Variants in SLC45A4 observed in about 807,000 individuals in gnomAD.
The protein encoded by SLC45A4 is solute carrier family 45 member 4, also known as polyamine-transporter SLC45A4.
Under a neutral mutation model 63.7 loss-of-function variants are expected in SLC45A4, and 32 were observed. The observed-to-expected ratio is 0.50, with a 90% confidence interval of 0.38 to 0.67. The LOEUF is 0.67. Among genes scored for constraint, SLC45A4 ranks in the 30% least tolerant of loss-of-function variants. The probability of loss-of-function intolerance (pLI) is 0.00; values close to 1 mark genes in which losing one functional copy is unlikely to be tolerated. For synonymous variants in SLC45A4, 535 were observed against 510.0 expected (o/e 1.05, Z -0.66); for missense variants, 1,027 against 1,157.7 (o/e 0.89, Z 1.64).
intron 1 of SLC45A4, among the ~76,000 whole-genome samples, chr8:141,261,453 T>C (rs1173812413): frequency 1.3e-5 from 2 of 152,158 alleles, no homozygotes; most frequent in Admixed American, 1.3e-4. Flanking sequence ...GCAGATGACA[T>C]GATTGTATAT....
At chr8:141,271,948 C>A (rs1777506959) in intron 1 of SLC45A4, among the ~76,000 whole-genome samples, 1 of 152,090 alleles carries the variant, frequency 6.6e-6, no homozygotes, top group Non-Finnish European at 1.5e-5. Context: ...TTCACACATG[C>A]ACTCACACGT....
In SLC45A4 at chr8:141,280,259, C is replaced by T. The variant is rs547367843; in HGVS notation, c.-400-25630G>A. Among the ~76,000 whole-genome samples the T allele has an allele frequency of 1.1e-3, 162 of 152,286 alleles. 1 individual carries two copies. Among genetic ancestry groups the T allele is most frequent in the Non-Finnish European group, 1.1e-3 (77 of 68,024 alleles). Reference sequence around the variant, plus strand: ...CCACCCTGTCCTGGGGTCACTGGCTCGTGAGGGCGGGACTGCGACTCTGTC... The same window carrying T: ...CCACCCTGTCCTGGGGTCACTGGCTTGTGAGGGCGGGACTGCGACTCTGTC... On this transcript the variant is annotated intron_variant, in intron 1 of 8. Coordinates refer to ENST00000517878, the MANE Select transcript of SLC45A4 (RefSeq NM_001286646.2).
Position 141,270,032 on chromosome 8 carries a change from G to A in SLC45A4, c.-400-15403C>T, listed in dbSNP as rs146481006. On this transcript the variant is annotated intron_variant, in intron 1 of 8. Transcript: ENST00000517878. ...AGACAGTGCCCTGAAGTCTCCTCCC[G>A]CCTCCTCCAGACCCTTGCCCTGCCC... 1.8e-3 allele frequency among the ~76,000 whole-genome samples: 269 copies of A among 152,094 alleles called. 1 individual carries two copies. Among genetic ancestry groups the A allele is most frequent in the African/African-American group, 6.2e-3 (259 of 41,462 alleles).
At chr8:141,274,003 G>A (rs1829636207) in intron 1 of SLC45A4, among the ~76,000 whole-genome samples, 1 of 152,076 alleles carries the variant, frequency 6.6e-6, no homozygotes, top group Non-Finnish European at 1.5e-5. Flanking sequence ...GCCGAGGCGG[G>A]TGGATCATGA....
intron 2 of SLC45A4, among the ~76,000 whole-genome samples, chr8:141,244,533 G>A (rs1249006291): frequency 2.0e-5 from 3 of 152,172 alleles, no homozygotes; most frequent in African/African-American, 4.8e-5. Context: ...CAGGAACAAC[G>A]GGTGGAAAGA....
At chr8:141,216,235 G>A (rs1370741001) in intron 6 of SLC45A4, among the ~76,000 whole-genome samples, 3 of 152,192 alleles carry the variant, frequency 2.0e-5, no homozygotes, top group Non-Finnish European at 4.4e-5. Flanking sequence ...CGCCCTTCCT[G>A]CAGCTCCCAG....
chr8:141,296,500 T>TAAA (rs35777679), intron 1 of SLC45A4, among the ~76,000 whole-genome samples: 9 of 107,962 alleles, frequency 8.3e-5, no homozygotes, highest in South Asian at 6.4e-4. Flanking sequence ...CCTCATTTCT[T>TAAA]AAAAAAAAAA....
chr8:141,308,253 A>T lies in SLC45A4; in HGVS notation c.-558T>A, dbSNP rs1239709228. On this transcript the variant is annotated 5_prime_UTR_variant, in exon 1 of 9. Transcript: ENST00000517878. ...CGGCCGGCCGGCCGGGCGGTCAGTC[A>T]GCGACGCGGGCGCGGAGAGAGCGCT... The T allele has an allele frequency of 2.0e-5, 3 of 146,860 alleles. No individual in the cohort carries two copies. 9.1% of individuals were successfully genotyped at this position (146,860 alleles called of 1,614,324 possible).
chr8:141,245,419 G>A (rs970318921), intron 2 of SLC45A4, among the ~76,000 whole-genome samples: 4 of 152,190 alleles, frequency 2.6e-5, no homozygotes, highest in Non-Finnish European at 5.9e-5. Flanking sequence ...ATAAAGGAAA[G>A]TGTTAATTCA....
intron 2 of SLC45A4, among the ~76,000 whole-genome samples, chr8:141,230,598 A>G (rs1278410939): frequency 6.6e-6 from 1 of 152,230 alleles, no homozygotes; most frequent in Non-Finnish European, 1.5e-5. Context: ...CGCCAGGAGC[A>G]GCGCCCAGGC....
At chr8:141,288,804 G>T (rs1298017597) in intron 1 of SLC45A4, among the ~76,000 whole-genome samples, 1 of 152,262 alleles carries the variant, frequency 6.6e-6, no homozygotes, top group Admixed American at 6.5e-5. Flanking sequence ...GCTGGGTTGG[G>T]AAAGATGACA....
chr8:141,253,002 TGC>T (rs765416051), intron 2 of SLC45A4, among the ~76,000 whole-genome samples: 2 of 147,728 alleles, frequency 1.4e-5, no homozygotes, highest in Non-Finnish European at 1.5e-5. Flanking sequence ...CACCCACCTG[TGC>T]GTCTGTGAAT....
At chr8:141,253,947 TC>T in intron 2 of SLC45A4, 41 bp downstream of exon 2, 1 of 1,530,488 alleles carries the variant, frequency 6.5e-7, no homozygotes, top group Non-Finnish European at 8.8e-7. Flanking sequence ...CCGCTAGCAC[TC>T]CGCTCAGCGT....
chr8:141,215,742 G>A lies in SLC45A4; in HGVS notation c.1941+17C>T, dbSNP rs1826103467. On this transcript the variant is annotated intron_variant, in intron 7 of 8. Transcript: ENST00000517878. The surrounding 1 kb of genome is among the most constrained non-coding windows in gnomAD (Gnocchi z 4.3). ...CAGGAGGCTGGAGCGCAGATCTCAGGGCTACGGTGGACGCACCTGCTTGAT... is the reference window on the plus strand; with the variant it reads ...CAGGAGGCTGGAGCGCAGATCTCAGAGCTACGGTGGACGCACCTGCTTGAT... 6.2e-7 allele frequency: 1 copy of A among 1,611,188 alleles called. No homozygotes were observed. The highest frequency in any genetic ancestry group is 8.5e-7 in the Non-Finnish European group (1 of 1,179,760).
chr8:141,287,933 C>T (rs1563675970), intron 1 of SLC45A4, among the ~76,000 whole-genome samples: 1 of 152,184 alleles, frequency 6.6e-6, no homozygotes, highest in African/African-American at 2.4e-5. Context: ...TACCCTCTTG[C>T]GCCCAGCCAC....
intron 8 of SLC45A4, 59 bp downstream of exon 8, chr8:141,212,138 G>GCCCGCCCA (rs1555563121): frequency 1.6e-6 from 1 of 623,196 alleles, no homozygotes; most frequent in Non-Finnish European, 2.0e-6. Context: ...TGGCCCCGCC[G>GCCCGCCCA]CCCGCCCGCC....
At chr8:141,214,278 C>T (rs1204159865) in intron 7 of SLC45A4, among the ~76,000 whole-genome samples, 1 of 151,482 alleles carries the variant, frequency 6.6e-6, no homozygotes. Flanking sequence ...ACCACTTCTA[C>T]ATATTTAGTA....
In SLC45A4 at chr8:141,218,067, C is replaced by T. The variant is rs764835271; in HGVS notation, c.1573G>A (p.Glu525Lys). ...HLLTWFSVIA[E>K]AVFYTDFMGQ... ...ATGAAGTCGGTGTAGAACACGGCCT[C>T]GGCGATGACAGAGAACCAGGTGAGG... The change falls in exon 5 of 9, where the codon GAG becomes AAG. Residue 525 changes from glutamate (E) to lysine (K), a missense_variant. Glu to Lys is a moderately conservative substitution (Grantham distance 56). Transcript: ENST00000517878. The T allele has an allele frequency of 1.7e-5, 28 of 1,612,252 alleles. No homozygotes were observed. The highest frequency in any genetic ancestry group is 1.2e-4 in the Admixed American group (7 of 59,982).
chr8:141,271,255 A>T (rs1216458857), intron 1 of SLC45A4, among the ~76,000 whole-genome samples: 2 of 152,212 alleles, frequency 1.3e-5, no homozygotes, highest in Non-Finnish European at 1.5e-5. Context: ...GGCCAACTGT[A>T]GGATGCTGGT....
Sources: allele counts gnomAD v4.1 joint callset (sites outside exome capture counted in the v4.1 genomes callset), GRCh38; gene constraint gnomAD v4.1.1; non-coding constraint Gnocchi (gnomAD v3.1); transcripts MANE v1.5; gene names NCBI Gene and HGNC (gene_info 2026-07-23, HGNC 2026-07-21).